The following DOCK5 variants were observed in gnomAD, a reference collection of about 807,000 sequenced individuals.
DOCK5 encodes the protein dedicator of cytokinesis 5, also known as dedicator of cytokinesis protein 5.
Under a neutral mutation model 251.8 loss-of-function variants are expected in DOCK5, and 142 were observed. The ratio of observed to expected loss-of-function variants is 0.56; its 90% CI spans 0.49 to 0.65. The LOEUF (loss-of-function observed/expected upper bound fraction) is 0.65. DOCK5 is among the 30% of genes least tolerant of loss of function. The pLI, the probability that DOCK5 is intolerant of heterozygous loss-of-function variation, is 0.00. For missense variants in DOCK5, 2,111 were observed against 2,312.3 expected, an observed-to-expected ratio of 0.91 and a Z score of 1.79; for synonymous variants, 842 against 835.5, an observed-to-expected ratio of 1.01 and a Z score of -0.13.
At position 25,224,697 on chromosome 8, in the gene DOCK5, T is replaced by G. The variant is rs187552654; in HGVS notation, c.44-18977T>G. On this transcript the variant is annotated intron_variant, in intron 1 of 51. Coordinates refer to ENST00000276440, the MANE Select transcript of DOCK5 (RefSeq NM_024940.8). ...TGCATTGAAAGACATGGCATCATAT[T>G]TTCTTCCTATAACACATTAGATATA... Among the ~76,000 whole-genome samples the G allele has an allele frequency of 2.6e-3, 396 of 152,306 alleles. 3 individuals carry two copies. Among genetic ancestry groups the G allele is most frequent in the African/African-American group, 9.0e-3 (375 of 41,564 alleles).
At position 25,332,586 on chromosome 8, in the gene DOCK5, G is replaced by A. The variant is rs561037172; in HGVS notation, c.2002-17G>A. ...ATGAAAGCATCAAAATAACCTCTCC[G>A]TTTTTCTTATCTTCAGTTTTTGCAA... On this transcript the variant is annotated splice_polypyrimidine_tract_variant and intron_variant, in intron 19 of 51. Transcript: ENST00000276440. The A allele has an allele frequency of 8.7e-5, 138 of 1,594,466 alleles. No homozygotes were observed. Among genetic ancestry groups the A allele is most frequent in the Non-Finnish European group, 9.9e-5 (116 of 1,167,848 alleles).
At chr8:25,239,333 GTGTGTGTA>G (rs1345013453) in intron 1 of DOCK5, among the ~76,000 whole-genome samples, 209 of 120,708 alleles carry the variant, frequency 1.7e-3, no homozygotes, top group African/African-American at 6.8e-3. Context: ...GTGTGTGTGT[GTGTGTGTA>G]TGTGTGTGTG....
At chr8:25,187,799 T>G (rs1243667809) in intron 1 of DOCK5, among the ~76,000 whole-genome samples, 2 of 152,120 alleles carry the variant, frequency 1.3e-5, no homozygotes, top group African/African-American at 2.4e-5. Flanking sequence ...CTTTGGGACT[T>G]TGCTCCCATT....
Position 25,336,279 on chromosome 8 carries a change from G to C in DOCK5, c.2233G>C (p.Asp745His), listed in dbSNP as rs751712751. Residue 745 changes from aspartate to histidine, a missense_variant, in exon 22 of 52, where the codon GAT becomes CAT. Transcript: ENST00000276440. ...KVLNFYVANA[D>H]DSSKTELLFA... ...ACTGAACTTCTATGTGGCTAATGCA[G>C]ATGACTCCAGCAAGACTGAACTGCT... 6.2e-7 allele frequency: 1 copy of C among 1,613,872 alleles called. No homozygotes were observed. The highest frequency in any genetic ancestry group is 1.1e-5 in the South Asian group (1 of 91,060).
intron 40 of DOCK5, among the ~76,000 whole-genome samples, chr8:25,384,469 T>A (rs1307283462): frequency 2.0e-4 from 22 of 109,112 alleles, no homozygotes; most frequent in African/African-American, 7.5e-4. Context: ...ATTTATTTTT[T>A]TTTTTTTTGA....
chr8:25,282,040 G>C (rs1804208453), intron 5 of DOCK5, among the ~76,000 whole-genome samples: 1 of 152,250 alleles, frequency 6.6e-6, no homozygotes, highest in Admixed American at 6.5e-5. Flanking sequence ...ATTCTTTGTA[G>C]AAATTCTCAG....
intron 22 of DOCK5, among the ~76,000 whole-genome samples, chr8:25,339,214 A>G (rs917426769): frequency 2.0e-5 from 3 of 152,244 alleles, no homozygotes; most frequent in East Asian, 3.9e-4. Context: ...AATCTCTCTT[A>G]TGAGCTCATT....
chr8:25,291,570 C>G (rs1804487438), intron 5 of DOCK5, among the ~76,000 whole-genome samples: 1 of 151,134 alleles, frequency 6.6e-6, no homozygotes, highest in African/African-American at 2.4e-5. Context: ...GTAGTCCCAG[C>G]TATTCAGGAG....
intron 3 of DOCK5, among the ~76,000 whole-genome samples, chr8:25,273,951 C>T (rs1022832948): frequency 1.3e-5 from 2 of 152,130 alleles, no homozygotes; most frequent in Admixed American, 1.3e-4. Flanking sequence ...CACGCCTGCC[C>T]CCGTCTCAAA....
intron 1 of DOCK5, among the ~76,000 whole-genome samples, chr8:25,186,166 T>C (rs958448404): frequency 6.6e-6 from 1 of 152,134 alleles, no homozygotes; most frequent in Admixed American, 6.5e-5. Context: ...TGTTTTGTTT[T>C]TTAACAGTCT....
rs372813857 is a variant in DOCK5, at chr8:25,260,177, G to GGGATGGGAGGACA, written c.128-8663_128-8651dup. On this transcript the variant is annotated intron_variant, in intron 2 of 51. Transcript: ENST00000276440. ...CTTCTATTGGAAGGACAGCTCACCG[G>GGGATGGGAGGACA]GGATGGGAGGACAGGATATGCCCGT... Among the ~76,000 whole-genome samples, 454 of 152,288 alleles carry GGGATGGGAGGACA rather than the reference G, an allele frequency of 3.0e-3. 1 individual carries two copies. Among genetic ancestry groups the GGGATGGGAGGACA allele is most frequent in the African/African-American group, 0.01 (426 of 41,558 alleles).
intron 2 of DOCK5, among the ~76,000 whole-genome samples, chr8:25,244,601 C>T (rs973621634): frequency 2.0e-5 from 3 of 152,184 alleles, no homozygotes; most frequent in Admixed American, 2.0e-4. Context: ...GTCTAGCCCC[C>T]ATGTAAACCC....
In DOCK5 at chr8:25,249,238, C is replaced by T. The variant is rs765575749; in HGVS notation, c.127+5481C>T. ...CTGGTCTGGAACTCCCGGCCCTTAG[C>T]GATCCTTCCACCTCGGCCTCCCAGA... On this transcript the variant is annotated intron_variant, in intron 2 of 51. Coordinates refer to ENST00000276440, the MANE Select transcript of DOCK5 (RefSeq NM_024940.8). Among the ~76,000 whole-genome samples, 6 of 152,222 alleles carry T rather than the reference C, an allele frequency of 3.9e-5. No homozygotes were observed. The East Asian group carries it at 1.2e-3, about 30-fold the overall frequency.
intron 2 of DOCK5, among the ~76,000 whole-genome samples, chr8:25,264,098 C>T (rs1803667198): frequency 6.6e-6 from 1 of 151,912 alleles, no homozygotes; most frequent in South Asian, 2.1e-4. Flanking sequence ...TGCGGTGGCT[C>T]ATGCCTATAA....
chr8:25,325,256 T>C (rs901217694), intron 17 of DOCK5, 108 bp from the exon 18 acceptor site: 1 of 1,180,418 alleles, frequency 8.5e-7, no homozygotes. Flanking sequence ...TCAGGATAAA[T>C]TGATAAGTCC....
At chr8:25,254,094 G>A (rs1803347872) in intron 2 of DOCK5, among the ~76,000 whole-genome samples, 1 of 152,154 alleles carries the variant, frequency 6.6e-6, no homozygotes, top group African/African-American at 2.4e-5. Flanking sequence ...CACAAATATA[G>A]TCAGCTGACC....
At chr8:25,281,341 T>G (rs1293741880) in intron 5 of DOCK5, among the ~76,000 whole-genome samples, 2 of 150,686 alleles carry the variant, frequency 1.3e-5, no homozygotes, top group Admixed American at 1.3e-4. Flanking sequence ...GGCAGGAGAA[T>G]CGCAGGAGAA....
chr8:25,392,833 A>C lies in DOCK5; in HGVS notation c.4478A>C (p.Tyr1493Ser). The C allele has an allele frequency of 6.2e-7, 1 of 1,613,372 alleles. No individual in the cohort carries two copies. The highest frequency in any genetic ancestry group is 8.5e-7 in the Non-Finnish European group (1 of 1,179,684). The change falls in exon 44 of 52, where the codon TAT (tyrosine) becomes TCT (serine). Residue 1493 changes from tyrosine to serine, a missense_variant. Transcript: ENST00000276440. Reference protein sequence around the residue: ...WIERTTYTTAYTFPGILKWFE... With the variant: ...WIERTTYTTASTFPGILKWFE... Reference sequence around the variant, plus strand: ...GAACGGACCACGTATACGACTGCATATACCTTTCCTGGGATTCTCAAGTGG... The same window carrying C: ...GAACGGACCACGTATACGACTGCATCTACCTTTCCTGGGATTCTCAAGTGG...
chr8:25,265,541 A>G (rs186561602), intron 2 of DOCK5, among the ~76,000 whole-genome samples: 4 of 151,900 alleles, frequency 2.6e-5, no homozygotes, highest in Non-Finnish European at 4.4e-5. Flanking sequence ...CATGTTACCA[A>G]CCATTCTCTG....
Sources: allele counts gnomAD v4.1 joint callset (sites outside exome capture counted in the v4.1 genomes callset), GRCh38; gene constraint gnomAD v4.1.1; transcripts MANE v1.5; gene names NCBI Gene and HGNC (gene_info 2026-07-23, HGNC 2026-07-21).